The following GALNTL6 variants were observed in gnomAD, a reference collection of about 807,000 sequenced individuals.
GALNTL6 encodes the protein polypeptide N-acetylgalactosaminyltransferase like 6, also known as polypeptide N-acetylgalactosaminyltransferase-like 6.
A neutral mutation model predicts 73.7 loss-of-function variants in GALNTL6; 46 were observed. That is an observed-to-expected ratio of 0.62 (90% CI 0.49 to 0.80). GALNTL6 has a LOEUF of 0.80. Among genes scored for constraint, GALNTL6 ranks in the 30% least tolerant of loss-of-function variants. The pLI is 0.00. For synonymous variants in GALNTL6, 259 were observed against 263.7 expected (o/e 0.98, Z 0.17); for missense variants, 604 against 755.0 (o/e 0.80, Z 2.34).
chr4:172,895,455 T>C (rs1351441836), intron 8 of GALNTL6, among the ~76,000 whole-genome samples: 1 of 151,524 alleles, frequency 6.6e-6, no homozygotes, highest in Non-Finnish European at 1.5e-5. Flanking sequence ...CCTGCAGGCC[T>C]GTAAGGTTTC....
chr4:172,656,993 T>C (rs1731066395), intron 5 of GALNTL6, among the ~76,000 whole-genome samples: 1 of 152,196 alleles, frequency 6.6e-6, no homozygotes, highest in South Asian at 2.1e-4. Flanking sequence ...GTCTCATTAT[T>C]TGGCAAAATT....
At chr4:171,956,725 T>C (rs892509204) in intron 2 of GALNTL6, among the ~76,000 whole-genome samples, 1 of 152,254 alleles carries the variant, frequency 6.6e-6, no homozygotes, top group Non-Finnish European at 1.5e-5. Context: ...TTTATTGTTG[T>C]TTCTCTCAAA....
chr4:172,228,651 T>A (rs1320123897), intron 2 of GALNTL6, among the ~76,000 whole-genome samples: 1 of 152,186 alleles, frequency 6.6e-6, no homozygotes, highest in Non-Finnish European at 1.5e-5. Context: ...TTTTGCTTTC[T>A]AGAATTTTAT....
At chr4:172,024,015 T>C (rs1741479875) in intron 2 of GALNTL6, among the ~76,000 whole-genome samples, 1 of 151,880 alleles carries the variant, frequency 6.6e-6, no homozygotes. Flanking sequence ...ATTAATCTAC[T>C]GGTCTAAATT....
At chr4:172,342,829 G>A (rs528444459) in intron 4 of GALNTL6, among the ~76,000 whole-genome samples, 2 of 152,232 alleles carry the variant, frequency 1.3e-5, no homozygotes, top group African/African-American at 2.4e-5. Flanking sequence ...CACATTCTAG[G>A]CCCCTGGGCT....
chr4:171,871,244 C>T (rs1307271457), intron 2 of GALNTL6, among the ~76,000 whole-genome samples: 1 of 147,976 alleles, frequency 6.8e-6, no homozygotes, highest in Non-Finnish European at 1.5e-5. Context: ...TACATACCTG[C>T]CTAGAATAAA....
chr4:172,358,957 G>T (rs1742267513), intron 5 of GALNTL6, among the ~76,000 whole-genome samples: 1 of 149,550 alleles, frequency 6.7e-6, no homozygotes, highest in Non-Finnish European at 1.5e-5. Flanking sequence ...TTCAACTATT[G>T]TGGAAAGCAG....
chr4:171,934,839 AT>A (rs1738294778), intron 2 of GALNTL6, among the ~76,000 whole-genome samples: 1 of 152,172 alleles, frequency 6.6e-6, no homozygotes, highest in African/African-American at 2.4e-5. Context: ...ATATTAACCA[AT>A]TTCTCTTTAA....
At chr4:172,570,035 G>A (rs565880819) in intron 5 of GALNTL6, among the ~76,000 whole-genome samples, 1 of 152,164 alleles carries the variant, frequency 6.6e-6, no homozygotes, top group Non-Finnish European at 1.5e-5. Context: ...GTGATAATTT[G>A]GAGTTCATTG....
At chr4:172,989,384 G>T (rs1039673589) in intron 10 of GALNTL6, among the ~76,000 whole-genome samples, 1 of 152,316 alleles carries the variant, frequency 6.6e-6, no homozygotes, top group Non-Finnish European at 1.5e-5. Context: ...ATGCTGAAAT[G>T]AATTAACATT....
chr4:172,628,042 A>G (rs948971739), intron 5 of GALNTL6, among the ~76,000 whole-genome samples: 3 of 152,054 alleles, frequency 2.0e-5, no homozygotes, highest in African/African-American at 7.2e-5. Context: ...GCAGTGCTCT[A>G]TGAAATAAAG....
intron 3 of GALNTL6, among the ~76,000 whole-genome samples, chr4:172,311,065 C>T (rs2111143719): frequency 6.6e-6 from 1 of 152,092 alleles, no homozygotes; most frequent in South Asian, 2.1e-4. Flanking sequence ...TGAAAATTTA[C>T]AGTGTGTCTC....
At chr4:172,053,069 C>CA (rs533056214) in intron 2 of GALNTL6, among the ~76,000 whole-genome samples, 303 of 152,058 alleles carry the variant, frequency 2.0e-3, no homozygotes, top group African/African-American at 7.0e-3. Context: ...GTAAATAGGA[C>CA]AAAAATAAAA....
chr4:172,420,108 CA>C (rs561537257), intron 5 of GALNTL6, among the ~76,000 whole-genome samples: 107 of 152,236 alleles, frequency 7.0e-4, no homozygotes, highest in African/African-American at 2.5e-3. Context: ...AAAAGTGAGC[CA>C]TCCATTTTAC....
chr4:172,456,168 G>T (rs1732391185), intron 5 of GALNTL6, among the ~76,000 whole-genome samples: 1 of 152,020 alleles, frequency 6.6e-6, no homozygotes, highest in Admixed American at 6.6e-5. Flanking sequence ...CAACAAAAAG[G>T]ACATTCACAC....
At chr4:172,646,105 G>A (rs1740230890) in intron 5 of GALNTL6, among the ~76,000 whole-genome samples, 1 of 152,014 alleles carries the variant, frequency 6.6e-6, no homozygotes, top group African/African-American at 2.4e-5. Context: ...AATTACCATA[G>A]CTGTATAGAA....
intron 2 of GALNTL6, among the ~76,000 whole-genome samples, chr4:171,901,317 G>A (rs527821054): frequency 4.5e-4 from 69 of 152,182 alleles, no homozygotes; most frequent in African/African-American, 1.3e-3. Context: ...TTCCATATGC[G>A]GTAGCTGGGC....
intron 5 of GALNTL6, among the ~76,000 whole-genome samples, chr4:172,652,331 A>T (rs1740512544): frequency 6.6e-6 from 1 of 152,232 alleles, no homozygotes; most frequent in African/African-American, 2.4e-5. Flanking sequence ...TTTCTGGCTT[A>T]AACAAGAAAT....
At chr4:172,169,349 T>C (rs60576391) in intron 2 of GALNTL6, among the ~76,000 whole-genome samples, 273 of 152,350 alleles carry the variant, frequency 1.8e-3, no homozygotes, top group African/African-American at 6.2e-3. Flanking sequence ...AAAGTTATTT[T>C]AGACAACTTC....
Sources: gnomAD v4.1 joint callset for allele counts (sites outside exome capture counted in the v4.1 genomes callset) on GRCh38, gnomAD v4.1.1 for gene constraint, MANE v1.5 for transcripts, NCBI Gene and HGNC (gene_info 2026-07-23, HGNC 2026-07-21) for gene names.